KCNQ1OT1: variants seen among roughly 807,000 people sequenced by gnomAD.
The protein encoded by KCNQ1OT1 is KCNQ1 opposite strand/antisense transcript 1.
rs1032807013 is a variant in KCNQ1OT1 at position 2,683,484 on chromosome 11, T to A, written n.16511A>T. On this transcript the variant is annotated non_coding_transcript_exon_variant, in exon 1 of 1. Transcript: ENST00000597346. This position sits in a 1 kb window ranked among gnomAD's most constrained non-coding sequence, Gnocchi z 4.7. ...ATTCCATCAATGACAGTTTTCCTAT[T>A]AAAACATAACTTGTTAAAGCATAGA... 12 of 398,528 alleles carry A rather than the reference T, an allele frequency of 3.0e-5. No individual in the cohort carries two copies. Among genetic ancestry groups the A allele is most frequent in the African/African-American group, 2.1e-4 (10 of 48,624 alleles). 24.7% of individuals were successfully genotyped at this position (398,528 alleles called of 1,614,324 possible).
At chr11:2,616,865 G>A (rs1849073842) in exon 1 of KCNQ1OT1, 1 of 398,080 alleles carries the variant, frequency 2.5e-6, no homozygotes, top group South Asian at 1.3e-4. Flanking sequence ...GTTGGGTGGA[G>A]TGTCCATATA....
At chr11:2,622,837 C>T in exon 1 of KCNQ1OT1, 3 of 398,638 alleles carry the variant, frequency 7.5e-6, no homozygotes, top group Non-Finnish European at 8.8e-6. Flanking sequence ...AACTCTCCCA[C>T]CAGAGTGGCA....
rs1849796212 is a variant in KCNQ1OT1 at position 2,653,926 on chromosome 11, G to A, written n.46069C>T. ...TTGAGAAGCTGTTCCCAGAAGCCAG[G>A]CCTGGCTGCTGGCAGGCAAAAACAA... On this transcript the variant is annotated non_coding_transcript_exon_variant, in exon 1 of 1. Transcript: ENST00000597346. The surrounding 1 kb of genome is among the most constrained non-coding windows in gnomAD (Gnocchi z 5.3). The A allele has an allele frequency of 2.5e-6, 1 of 398,620 alleles. No individual in the cohort carries two copies. The highest frequency in any genetic ancestry group is 2.1e-5 in the African/African-American group (1 of 48,642). 24.7% of individuals were successfully genotyped at this position (398,620 alleles called of 1,614,324 possible).
exon 1 of KCNQ1OT1, chr11:2,667,192 G>A: frequency 2.5e-6 from 1 of 398,710 alleles, no homozygotes; most frequent in Admixed American, 4.4e-5. Context: ...GCCCAGCTGT[G>A]GCGGCCCCCC....
exon 1 of KCNQ1OT1, chr11:2,614,666 T>C (rs886144708): frequency 2.5e-6 from 1 of 398,392 alleles, no homozygotes; most frequent in Non-Finnish European, 4.4e-6. Flanking sequence ...ATACATTTGT[T>C]GAAAATGAAT....
chr11:2,699,638 G>A (rs563807211), exon 1 of KCNQ1OT1: 4 of 355,450 alleles, frequency 1.1e-5, no homozygotes, highest in African/African-American at 2.1e-5. Context: ...AAGAACCCCC[G>A]GGGACAACCG....
In KCNQ1OT1 at chr11:2,620,462, C is replaced by T. The variant is rs1251670925; in HGVS notation, n.79533G>A. 17 of 315,596 alleles carry T rather than the reference C, an allele frequency of 5.4e-5. No homozygotes were observed. The highest frequency in any genetic ancestry group is 8.6e-5 in the African/African-American group (4 of 46,772). The allele number at this position is 315,596 out of a possible 1,614,324, so 19.5% of individuals were successfully genotyped here. A position where few individuals can be genotyped will look rare whatever the true frequency, so the allele number is the denominator to read the frequency against. ...AACTCCTGACCTCAGGTGATCCACC[C>T]GCCTTGGCCTCCCAAAGTGCTGGGA... On this transcript the variant is annotated non_coding_transcript_exon_variant, in exon 1 of 1. Transcript: ENST00000597346. This position sits in a 1 kb window ranked among gnomAD's most constrained non-coding sequence, Gnocchi z 4.5.
chr11:2,684,842 T>C (rs767636121), exon 1 of KCNQ1OT1: 12 of 398,584 alleles, frequency 3.0e-5, no homozygotes, highest in Non-Finnish European at 4.4e-5. Context: ...CCTCCTGTTA[T>C]TGGCTTCCTC....
At position 2,632,182 on chromosome 11, in the gene KCNQ1OT1, CAAAAAAAAAA is replaced by C. The variant is rs34998500; in HGVS notation, n.67803_67812del. On this transcript the variant is annotated non_coding_transcript_exon_variant, in exon 1 of 1. Coordinates refer to ENST00000597346, the Ensembl canonical transcript of KCNQ1OT1. ...TGGGCGACAGACCAAGACTCTGCCT[CAAAAAAAAAA>C]AAAAAAAAAAAGAAATGCAACTGAA... 28 of 312,360 alleles carry C rather than the reference CAAAAAAAAAA, an allele frequency of 9.0e-5. No homozygotes were observed. The highest frequency in any genetic ancestry group is 1.2e-4 in the Non-Finnish European group (23 of 189,102). The allele number at this position is 312,360 out of a possible 1,614,324, so 19.3% of individuals were successfully genotyped here. A position where few individuals can be genotyped will look rare whatever the true frequency, so the allele number is the denominator to read the frequency against.
chr11:2,611,132 TA>T lies in KCNQ1OT1; in HGVS notation n.88862del. On this transcript the variant is annotated non_coding_transcript_exon_variant, in exon 1 of 1. Transcript: ENST00000597346. This position sits in a 1 kb window ranked among gnomAD's most constrained non-coding sequence, Gnocchi z 5.3. The stretch of plus-strand genomic sequence containing the variant: ...GTTTATGATTTCTATTTCTTCCTGT[TA>T]AATTTTCCCTTTTGTCATTGTAAAA... 2.5e-6 allele frequency: 1 copy of T among 398,588 alleles called. No individual in the cohort carries two copies. Among genetic ancestry groups the T allele is most frequent in the Non-Finnish European group, 4.4e-6 (1 of 226,056 alleles). 24.7% of individuals were successfully genotyped at this position (398,588 alleles called of 1,614,324 possible). A position where few individuals can be genotyped will look rare whatever the true frequency, so the allele number is the denominator to read the frequency against.
exon 1 of KCNQ1OT1, chr11:2,684,667 G>A (rs1397583480): frequency 5.0e-6 from 2 of 398,552 alleles, no homozygotes; most frequent in African/African-American, 4.1e-5. Context: ...CTTGTTGGAT[G>A]TGCAGGGAGC....
At chr11:2,628,131 T>C (rs763520530) in exon 1 of KCNQ1OT1, 8 of 398,496 alleles carry the variant, frequency 2.0e-5, no homozygotes, top group Non-Finnish European at 3.1e-5. Context: ...GATACTGACT[T>C]TGTTTTCCTT....
At chr11:2,697,184 T>C (rs1036553228) in exon 1 of KCNQ1OT1, 3 of 398,522 alleles carry the variant, frequency 7.5e-6, no homozygotes, top group Non-Finnish European at 1.3e-5. Flanking sequence ...GCTTTAAACA[T>C]TTCTTAGTTT....
chr11:2,623,235 A>G lies in KCNQ1OT1; in HGVS notation n.76760T>C, dbSNP rs2133806788. The G allele has an allele frequency of 5.0e-6, 2 of 398,746 alleles. No individual in the cohort carries two copies. Among genetic ancestry groups the G allele is most frequent in the South Asian group, 2.5e-4 (2 of 7,856 alleles). The allele number at this position is 398,746 out of a possible 1,614,324, so 24.7% of individuals were successfully genotyped here. ...GGCCTGCCAGCCATGCTTACTGTAC[A>G]GCCTACAAAACTGTGAGTCAATTAA... On this transcript the variant is annotated non_coding_transcript_exon_variant, in exon 1 of 1. Transcript: ENST00000597346. The surrounding 1 kb of genome is among the most constrained non-coding windows in gnomAD (Gnocchi z 5.2).
Position 2,609,894 on chromosome 11 carries a change from T to TG in KCNQ1OT1, n.90100dup, listed in dbSNP as rs1375237046. ...CTTTTTCCATCCTTTTACTTTCAGT[T>TG]GGCATTTATCATCTAAAGTGTGCCT... On this transcript the variant is annotated non_coding_transcript_exon_variant, in exon 1 of 1. Transcript: ENST00000597346. 18 of 398,132 alleles carry TG rather than the reference T, an allele frequency of 4.5e-5. No homozygotes were observed. The East Asian group carries it at 6.4e-4, about 14-fold the overall frequency. The allele number at this position is 398,132 out of a possible 1,614,324, so 24.7% of individuals were successfully genotyped here.
exon 1 of KCNQ1OT1, chr11:2,646,795 C>T (rs1214559945): frequency 2.5e-6 from 1 of 398,472 alleles, no homozygotes; most frequent in Non-Finnish European, 4.4e-6. Flanking sequence ...AAATTACAAG[C>T]ATGAGCCATC....
rs954473478 is a variant in KCNQ1OT1, at chr11:2,621,669, T to C, written n.78326A>G. 5 of 398,398 alleles carry C rather than the reference T, an allele frequency of 1.3e-5. No individual in the cohort carries two copies. Among genetic ancestry groups the C allele is most frequent in the Non-Finnish European group, 2.2e-5 (5 of 226,024 alleles). 24.7% of individuals were successfully genotyped at this position (398,398 alleles called of 1,614,324 possible). A position where few individuals can be genotyped will look rare whatever the true frequency, so the allele number is the denominator to read the frequency against. ...CTCTAGGTTATCCAATTTGTTGGGA[T>C]ATAATTGTTCATAAAAGTCCCTTAT... On this transcript the variant is annotated non_coding_transcript_exon_variant, in exon 1 of 1. Transcript: ENST00000597346. This position sits in a 1 kb window ranked among gnomAD's most constrained non-coding sequence, Gnocchi z 5.7.
rs1379311546 is a variant in KCNQ1OT1, at chr11:2,653,927, C to G, written n.46068G>C. On this transcript the variant is annotated non_coding_transcript_exon_variant, in exon 1 of 1. Coordinates refer to ENST00000597346, the Ensembl canonical transcript of KCNQ1OT1. This position sits in a 1 kb window ranked among gnomAD's most constrained non-coding sequence, Gnocchi z 5.3. ...TGAGAAGCTGTTCCCAGAAGCCAGG[C>G]CTGGCTGCTGGCAGGCAAAAACAAC... is the stretch of plus-strand genomic sequence containing the variant. 7.5e-6 allele frequency: 3 copies of G among 398,592 alleles called. No homozygotes were observed. The highest frequency in any genetic ancestry group is 1.3e-5 in the Non-Finnish European group (3 of 226,150). 24.7% of individuals were successfully genotyped at this position (398,592 alleles called of 1,614,324 possible).
chr11:2,660,222 TAAATTTTCATTTTCTAA>T, exon 1 of KCNQ1OT1: 1 of 398,408 alleles, frequency 2.5e-6, no homozygotes, highest in Non-Finnish European at 4.4e-6. Flanking sequence ...TAGTACCCTT[TAAATTTTCATTTTCTAA>T]TTGTTGATCA....
Sources: gnomAD v4.1 joint callset for allele counts on GRCh38, gnomAD v4.1.1 for gene constraint, Gnocchi (gnomAD v3.1) non-coding constraint, MANE v1.5 for transcripts, NCBI Gene and HGNC (gene_info 2026-07-23, HGNC 2026-07-21) for gene names.